DMD: variants seen among roughly 807,000 people sequenced by gnomAD.
DMD encodes dystrophin, also known as mutant dystrophin.
Under a neutral mutation model 330.1 loss-of-function variants are expected in DMD, and 63 were observed. The ratio of observed to expected loss-of-function variants is 0.19; its 90% CI spans 0.16 to 0.24. The LOEUF (loss-of-function observed/expected upper bound fraction) is 0.24, where lower values mean the gene tolerates loss of function less well. Ranked by LOEUF, DMD falls within the 10% of genes least tolerant of loss-of-function variation. DMD has a pLI of 1.00. For synonymous variants in DMD, 1,223 were observed against 959.8 expected (o/e 1.27, Z -5.07); for missense variants, 3,344 against 2,684.1 (o/e 1.25, Z -5.43).
chrX:32,700,556 C>A (rs1207213998), intron 7 of DMD, among the ~76,000 whole-genome samples: 1 of 111,399 alleles, frequency 9.0e-6, no homozygotes, highest in African/African-American at 3.3e-5. Flanking sequence ...ATTAAGTATA[C>A]TCACCATGAA....
intron 17 of DMD, among the ~76,000 whole-genome samples, chrX:32,533,238 A>G (rs2047645233): frequency 9.0e-6 from 1 of 111,432 alleles, no homozygotes; most frequent in Non-Finnish European, 1.9e-5. Flanking sequence ...ATGGCTCCCC[A>G]TGACCAGAAG....
At chrX:32,725,657 AAG>A (rs935819309) in intron 7 of DMD, among the ~76,000 whole-genome samples, 3 of 111,197 alleles carry the variant, frequency 2.7e-5, no homozygotes, top group East Asian at 5.7e-4. Flanking sequence ...ATTAGAGCTA[AAG>A]AGAGAGAGAG....
At chrX:32,781,440 T>G (rs1452775406) in intron 7 of DMD, among the ~76,000 whole-genome samples, 1 of 112,075 alleles carries the variant, frequency 8.9e-6, no homozygotes, top group East Asian at 2.8e-4. Context: ...TAAAACAAAA[T>G]CAACGAAACA....
chrX:31,615,472 G>A (rs377605441), intron 55 of DMD, among the ~76,000 whole-genome samples: 1 of 111,874 alleles, frequency 8.9e-6, no homozygotes, highest in South Asian at 3.8e-4. Flanking sequence ...CAACTTTGGT[G>A]TCTGATTGAA....
At chrX:31,695,586 A>AAT (rs1556822026) in intron 52 of DMD, among the ~76,000 whole-genome samples, 2 of 107,917 alleles carry the variant, frequency 1.9e-5, no homozygotes, top group African/African-American at 6.8e-5. Context: ...ATAAAAAAAA[A>AAT]ATTTTAAAAA....
intron 7 of DMD, among the ~76,000 whole-genome samples, chrX:32,718,194 C>G (rs1467046696): frequency 1.8e-5 from 2 of 111,203 alleles, no homozygotes; most frequent in Non-Finnish European, 1.9e-5. Context: ...CACTGTGTCC[C>G]TGCCCAAATC....
chrX:32,584,188 C>T (rs906861218), intron 13 of DMD, among the ~76,000 whole-genome samples: 5 of 110,915 alleles, frequency 4.5e-5, no homozygotes, highest in Admixed American at 1.9e-4. Flanking sequence ...AATAGTATTC[C>T]GCCTCACTGG....
chrX:31,652,231 CT>C (rs1313629414), intron 54 of DMD, among the ~76,000 whole-genome samples: 2 of 111,553 alleles, frequency 1.8e-5, no homozygotes, highest in Non-Finnish European at 3.8e-5. Context: ...TCAGTAAGAC[CT>C]TTTTTGATTA....
chrX:32,902,223 G>A (rs147306904), intron 2 of DMD, among the ~76,000 whole-genome samples: 1,048 of 104,463 alleles, frequency 0.01, 11 homozygotes, highest in Middle Eastern at 0.03. Context: ...TTTCTTCACT[G>A]ACTCAGAAAA....
chrX:31,249,880 TTAC>T (rs753117791), intron 63 of DMD, among the ~76,000 whole-genome samples: 92 of 111,150 alleles, frequency 8.3e-4, no homozygotes, highest in African/African-American at 2.8e-3. Context: ...CCTTGAGCAG[TTAC>T]TACATCAGAC....
At chrX:32,393,871 A>C (rs572432039) in intron 30 of DMD, among the ~76,000 whole-genome samples, 4 of 111,324 alleles carry the variant, frequency 3.6e-5, no homozygotes, top group East Asian at 2.9e-4. Flanking sequence ...AGATAGGTTC[A>C]ATGGGATCAA....
chrX:32,734,714 AC>A (rs1227051506), intron 7 of DMD, among the ~76,000 whole-genome samples: 2 of 109,754 alleles, frequency 1.8e-5, no homozygotes, highest in Non-Finnish European at 3.8e-5. Context: ...AAATTCAACA[AC>A]CCTTCATGCT....
intron 50 of DMD, among the ~76,000 whole-genome samples, chrX:31,816,371 C>T (rs1193367335): frequency 4.5e-5 from 5 of 110,883 alleles, no homozygotes; most frequent in Non-Finnish European, 9.4e-5. Context: ...AACTTTAGGC[C>T]TCAGCTTCTA....
intron 13 of DMD, among the ~76,000 whole-genome samples, chrX:32,575,541 T>C (rs1360742590): frequency 4.8e-4 from 54 of 112,613 alleles, no homozygotes; most frequent in African/African-American, 1.7e-3. Context: ...TCAATGAATT[T>C]AGTCACTTCA....
intron 1 of DMD, among the ~76,000 whole-genome samples, chrX:33,075,110 A>T (rs2094819433): frequency 8.9e-6 from 1 of 111,741 alleles, no homozygotes; most frequent in Admixed American, 9.5e-5. Flanking sequence ...TGCAGACAAC[A>T]TCACTATTGT....
intron 2 of DMD, among the ~76,000 whole-genome samples, chrX:32,994,534 T>C (rs778797196): frequency 1.8e-4 from 20 of 111,767 alleles, no homozygotes; most frequent in Non-Finnish European, 3.6e-4. Flanking sequence ...AGAGTGCACA[T>C]ATATCTTTGA....
chrX:31,640,284 T>C (rs928143432), intron 54 of DMD, among the ~76,000 whole-genome samples: 1 of 112,317 alleles, frequency 8.9e-6, no homozygotes, highest in Non-Finnish European at 1.9e-5. Context: ...TCCTAGGGAA[T>C]ACGTTTACAT....
chrX:31,405,271 A>C (rs747279001), intron 60 of DMD, among the ~76,000 whole-genome samples: 41 of 112,333 alleles, frequency 3.6e-4, no homozygotes, highest in Non-Finnish European at 7.0e-4. Context: ...CAGAACAATC[A>C]GGCACAGGCA....
intron 34 of DMD, among the ~76,000 whole-genome samples, chrX:32,374,527 G>A (rs1464856695): frequency 9.0e-6 from 1 of 111,422 alleles, no homozygotes; most frequent in African/African-American, 3.3e-5. Context: ...TATATGGCTA[G>A]CCAGCTATCC....
Sources: allele counts gnomAD v4.1 joint callset (sites outside exome capture counted in the v4.1 genomes callset), GRCh38; gene constraint gnomAD v4.1.1; transcripts MANE v1.5; gene names NCBI Gene and HGNC (gene_info 2026-07-23, HGNC 2026-07-21).